Variants in IGF1R observed in about 807,000 individuals in gnomAD.
IGF1R encodes the protein insulin like growth factor 1 receptor.
IGF1R carries 44 observed loss-of-function variants against 144.6 expected under a neutral mutation model. That is an observed-to-expected ratio of 0.30 (90% CI 0.24 to 0.39). IGF1R has a LOEUF of 0.39. IGF1R is among the 10% of genes least tolerant of loss of function. IGF1R has a pLI of 1.00. For missense variants in IGF1R, 1,355 were observed against 1,833.7 expected, an observed-to-expected ratio of 0.74 and a Z score of 4.77; for synonymous variants, 795 against 722.8, an observed-to-expected ratio of 1.10 and a Z score of -1.60.
At chr15:98,654,618 A>G (rs949556961) in intron 1 of IGF1R, among the ~76,000 whole-genome samples, 10 of 152,126 alleles carry the variant, frequency 6.6e-5, no homozygotes, top group African/African-American at 2.2e-4. Flanking sequence ...GATTTTCCCC[A>G]ATTTGTTTTC....
chr15:98,795,900 A>G (rs968123500), intron 2 of IGF1R, among the ~76,000 whole-genome samples: 3 of 152,200 alleles, frequency 2.0e-5, no homozygotes, highest in African/African-American at 7.2e-5. Flanking sequence ...ACCCGTGTAA[A>G]CTACCTTTGG....
intron 3 of IGF1R, among the ~76,000 whole-genome samples, chr15:98,892,569 C>T (rs73463647): frequency 0.019 from 2,852 of 151,350 alleles, 88 homozygotes; most frequent in African/African-American, 0.066. Flanking sequence ...TAACAAATGC[C>T]ATATGCCCTT....
intron 19 of IGF1R, 102 bp downstream of exon 19, chr15:98,943,154 C>A: frequency 7.3e-7 from 1 of 1,379,304 alleles, no homozygotes; most frequent in Non-Finnish European, 1.0e-6. Flanking sequence ...CATTGTTACC[C>A]GTTGCCAGCT....
chr15:98,665,261 T>C (rs1449802550), intron 1 of IGF1R, among the ~76,000 whole-genome samples: 2 of 152,140 alleles, frequency 1.3e-5, no homozygotes, highest in Non-Finnish European at 2.9e-5. Context: ...GGAACCCAGC[T>C]TCATTTCTTG....
chr15:98,916,061 T>C lies in IGF1R; in HGVS notation c.1926T>C (p.Ser642=). 6.2e-7 allele frequency: 1 copy of C among 1,614,186 alleles called. No homozygotes were observed. The highest frequency in any genetic ancestry group is 8.5e-7 in the Non-Finnish European group (1 of 1,180,020). The stretch of plus-strand genomic sequence containing the variant: ...CCTCTCTGCCCAACGGCAACCTGAG[T>C]TACTACATTGTGCGCTGGCAGCGGC... The part of the protein sequence containing the change: ...NPPSLPNGNL[S]YYIVRWQRQP... The change falls in exon 9 of 21, where the codon AGT becomes AGC. Residue 642 remains serine, a synonymous_variant. Coordinates refer to ENST00000650285, the MANE Select transcript of IGF1R (RefSeq NM_000875.5).
At chr15:98,690,363 C>T (rs1399921347) in intron 1 of IGF1R, among the ~76,000 whole-genome samples, 1 of 152,098 alleles carries the variant, frequency 6.6e-6, no homozygotes, top group Non-Finnish European at 1.5e-5. Context: ...AAAACACATG[C>T]TTATGGTAGG....
chr15:98,899,645 C>G, intron 5 of IGF1R, 24 bp downstream of exon 5: 1 of 1,611,172 alleles, frequency 6.2e-7, no homozygotes. Context: ...ATTTCATGAG[C>G]TGACGTTCTA....
At chr15:98,852,535 G>A (rs570841900) in intron 2 of IGF1R, among the ~76,000 whole-genome samples, 1 of 152,208 alleles carries the variant, frequency 6.6e-6, no homozygotes, top group African/African-American at 2.4e-5. Flanking sequence ...GGATGCAGCA[G>A]GAGTATTAGG....
intron 1 of IGF1R, among the ~76,000 whole-genome samples, chr15:98,686,703 C>T (rs2141223826): frequency 6.7e-6 from 1 of 150,126 alleles, no homozygotes; most frequent in East Asian, 2.0e-4. Context: ...CAGGATCTCA[C>T]ATTGTTGTCC....
intron 20 of IGF1R, among the ~76,000 whole-genome samples, chr15:98,953,622 G>A (rs1294464270): frequency 6.6e-6 from 1 of 152,216 alleles, no homozygotes; most frequent in East Asian, 1.9e-4. Context: ...TGGAAGACTT[G>A]GGCCAGGAAG....
chr15:98,935,870 T>TC lies in IGF1R; in HGVS notation c.3297+450dup, dbSNP rs1207709118. Among the ~76,000 whole-genome samples, 2 of 151,966 alleles carry TC rather than the reference T, an allele frequency of 1.3e-5. No individual in the cohort carries two copies. The highest frequency in any genetic ancestry group is 6.6e-5 in the Admixed American group (1 of 15,262). ...TGTGTTGTGCTGTTGTTGGAGTGTG[T>TC]CCCCCCTCCACCCCGTTGTGTTTAG... On this transcript the variant is annotated intron_variant, in intron 17 of 20. Transcript: ENST00000650285. This position sits in a 1 kb window ranked among gnomAD's most constrained non-coding sequence, Gnocchi z 4.2.
At chr15:98,917,545 A>AG (rs1468171359) in intron 10 of IGF1R, among the ~76,000 whole-genome samples, 1 of 152,242 alleles carries the variant, frequency 6.6e-6, no homozygotes, top group Non-Finnish European at 1.5e-5. Flanking sequence ...AAACGTTCAT[A>AG]GCAGGACTGT....
chr15:98,948,180 C>T (rs944212602), intron 19 of IGF1R, among the ~76,000 whole-genome samples: 4 of 152,170 alleles, frequency 2.6e-5, no homozygotes, highest in African/African-American at 9.7e-5. Flanking sequence ...GGGGCTTGGA[C>T]AAGAATGTCA....
chr15:98,780,302 G>T (rs908537452), intron 2 of IGF1R, among the ~76,000 whole-genome samples: 1 of 151,918 alleles, frequency 6.6e-6, no homozygotes, highest in Non-Finnish European at 1.5e-5. Flanking sequence ...TGTAATCCCA[G>T]TACTTTGGGA....
intron 2 of IGF1R, among the ~76,000 whole-genome samples, chr15:98,861,164 G>T (rs1034097494): frequency 3.3e-5 from 5 of 152,032 alleles, no homozygotes; most frequent in Non-Finnish European, 7.4e-5. Flanking sequence ...CAACTCAGTA[G>T]TGAAAAAACA....
intron 20 of IGF1R, among the ~76,000 whole-genome samples, chr15:98,953,893 C>G (rs1199803283): frequency 1.3e-5 from 2 of 152,140 alleles, no homozygotes; most frequent in African/African-American, 2.4e-5. Flanking sequence ...GAAGGGCGCT[C>G]CTGCTCAGTT....
chr15:98,803,076 T>C (rs1309632806), intron 2 of IGF1R, among the ~76,000 whole-genome samples: 1 of 152,180 alleles, frequency 6.6e-6, no homozygotes. Flanking sequence ...TAGACAGTCA[T>C]ATGTTGCTTA....
intron 1 of IGF1R, among the ~76,000 whole-genome samples, chr15:98,679,923 G>C (rs1361482375): frequency 6.6e-6 from 1 of 151,250 alleles, no homozygotes; most frequent in African/African-American, 2.4e-5. Context: ...TTGTGTCTTA[G>C]CTTTTAACAA....
chr15:98,928,182 C>T (rs537359944), intron 13 of IGF1R, among the ~76,000 whole-genome samples: 1 of 152,252 alleles, frequency 6.6e-6, no homozygotes, highest in African/African-American at 2.4e-5. Context: ...CCAGGTCACT[C>T]GCCTTGGGGG....
Sources: gnomAD v4.1 joint callset for allele counts (sites outside exome capture counted in the v4.1 genomes callset) on GRCh38, gnomAD v4.1.1 for gene constraint, Gnocchi (gnomAD v3.1) non-coding constraint, MANE v1.5 for transcripts, NCBI Gene and HGNC (gene_info 2026-07-23, HGNC 2026-07-21) for gene names.